SCAPER: variants seen among roughly 807,000 people sequenced by gnomAD.
The protein encoded by SCAPER is S phase cyclin A-associated protein in the endoplasmic reticulum.
In SCAPER, 98 loss-of-function variants were observed where a neutral mutation model predicts 182.2. The ratio of observed to expected loss-of-function variants is 0.54; its 90% CI spans 0.46 to 0.64. The LOEUF (loss-of-function observed/expected upper bound fraction) is 0.64, where lower values mean the gene tolerates loss of function less well. Ranked by LOEUF, SCAPER falls within the 30% of genes least tolerant of loss-of-function variation. The pLI, the probability that SCAPER is intolerant of heterozygous loss-of-function variation, is 0.00. For synonymous variants in SCAPER, 605 were observed against 564.6 expected (o/e 1.07, Z -1.01); for missense variants, 1,432 against 1,690.0 (o/e 0.85, Z 2.68).
intron 26 of SCAPER, among the ~76,000 whole-genome samples, chr15:76,420,715 C>T (rs1272023302): frequency 1.3e-5 from 2 of 152,110 alleles, no homozygotes; most frequent in Non-Finnish European, 2.9e-5. Flanking sequence ...TGGTGTGCTG[C>T]ACCCGTTAAC....
intron 2 of SCAPER, among the ~76,000 whole-genome samples, chr15:76,881,553 A>G (rs1210826768): frequency 6.6e-6 from 1 of 152,196 alleles, no homozygotes; most frequent in Non-Finnish European, 1.5e-5. Context: ...TTCAGTCTTA[A>G]AGAGGAGGGA....
rs117281528 is a variant in SCAPER, at chr15:76,591,006, G to A, written c.2712-16722C>T. Among the ~76,000 whole-genome samples, 207 of 152,160 alleles carry A rather than the reference G, an allele frequency of 1.4e-3. 5 individuals carry two copies. The East Asian group carries it at 0.035, about 25-fold the overall frequency. ...ATGTGTACACATGGACATAGAGTGT[G>A]GACTGATAAACAATGAAGACTCATA... On this transcript the variant is annotated intron_variant, in intron 22 of 31. Coordinates refer to ENST00000563290, the MANE Select transcript of SCAPER (RefSeq NM_020843.4).
At chr15:76,734,899 T>C (rs1200742622) in intron 15 of SCAPER, among the ~76,000 whole-genome samples, 1 of 151,952 alleles carries the variant, frequency 6.6e-6, no homozygotes. Context: ...TATATATATA[T>C]GATAAACAAG....
chr15:76,368,915 G>A (rs987002356), intron 29 of SCAPER, among the ~76,000 whole-genome samples: 7 of 152,092 alleles, frequency 4.6e-5, no homozygotes, highest in Non-Finnish European at 7.4e-5. Context: ...TACTAATTAT[G>A]TTCATTATAA....
intron 21 of SCAPER, among the ~76,000 whole-genome samples, chr15:76,649,412 C>T (rs1001222691): frequency 2.0e-5 from 3 of 151,550 alleles, no homozygotes; most frequent in Non-Finnish European, 2.9e-5. Context: ...CCTAGGCGAC[C>T]GAATGAGACA....
Position 76,461,575 on chromosome 15 carries a change from TTC to T in SCAPER, c.3078+9635_3078+9636del, listed in dbSNP as rs1045183938. ...GTATTGTATTTTCTAGTTTTTAAAT[TTC>T]TGTTTGATTCTTTATTATGTTTTTA... On this transcript the variant is annotated intron_variant, in intron 25 of 31. Transcript: ENST00000563290. 1.6e-4 allele frequency among the ~76,000 whole-genome samples: 25 copies of T among 152,204 alleles called. 1 individual carries two copies. The highest frequency in any genetic ancestry group is 4.6e-4 in the African/African-American group (19 of 41,554).
intron 23 of SCAPER, among the ~76,000 whole-genome samples, chr15:76,558,650 C>A (rs933155363): frequency 6.6e-6 from 1 of 152,134 alleles, no homozygotes; most frequent in Admixed American, 6.5e-5. Flanking sequence ...TACCATTTGA[C>A]GCAGAAATCC....
intron 24 of SCAPER, among the ~76,000 whole-genome samples, chr15:76,494,318 TACAA>T (rs2040283649): frequency 6.6e-6 from 1 of 152,222 alleles, no homozygotes; most frequent in Non-Finnish European, 1.5e-5. Flanking sequence ...GTCTCACACA[TACAA>T]ACAGCTACAT....
intron 23 of SCAPER, among the ~76,000 whole-genome samples, chr15:76,552,298 A>G (rs999084453): frequency 6.6e-6 from 1 of 152,086 alleles, no homozygotes; most frequent in Admixed American, 6.6e-5. Context: ...ACAAAACAAA[A>G]TAAGAGAGGA....
At chr15:76,492,874 T>A (rs1322514661) in intron 24 of SCAPER, among the ~76,000 whole-genome samples, 1 of 151,628 alleles carries the variant, frequency 6.6e-6, no homozygotes, top group African/African-American at 2.4e-5. Context: ...GAGTGTTTTT[T>A]TTTTTTTTTT....
At position 76,709,709 on chromosome 15, in the gene SCAPER, T is replaced by C. The variant is rs1485882634; in HGVS notation, c.2166-3725A>G. 2.0e-5 allele frequency among the ~76,000 whole-genome samples: 3 copies of C among 152,154 alleles called. No homozygotes were observed. The South Asian group carries it at 6.2e-4, about 31-fold the overall frequency. The stretch of plus-strand genomic sequence containing the variant: ...CAGGAAACATTCTGTAAGGCCAGAA[T>C]TGCCATAACACAAAAGCCAGACAAA... On this transcript the variant is annotated intron_variant, in intron 17 of 31. Coordinates refer to ENST00000563290, the MANE Select transcript of SCAPER (RefSeq NM_020843.4).
rs933804150 is a variant in SCAPER at position 76,726,130 on chromosome 15, T to C, written c.2165+2465A>G. Among the ~76,000 whole-genome samples, 14 of 115,180 alleles carry C rather than the reference T, an allele frequency of 1.2e-4. 1 individual carries two copies. Among genetic ancestry groups the C allele is most frequent in the African/African-American group, 3.7e-4 (11 of 29,836 alleles). 75.6% of individuals were successfully genotyped at this position (115,180 alleles called of 152,430 possible). A position where few individuals can be genotyped will look rare whatever the true frequency, so the allele number is the denominator to read the frequency against. ...ATAAAGGGTTAATGTCTAGAATATA[T>C]ATATATATATATATATATATATATA... On this transcript the variant is annotated intron_variant, in intron 17 of 31. Transcript: ENST00000563290.
At chr15:76,889,029 T>C (rs950055169) in intron 1 of SCAPER, among the ~76,000 whole-genome samples, 4 of 152,166 alleles carry the variant, frequency 2.6e-5, no homozygotes, top group African/African-American at 9.7e-5. Context: ...TATTCAACAT[T>C]CTTAAAGAAA....
intron 22 of SCAPER, among the ~76,000 whole-genome samples, chr15:76,620,407 C>G (rs542780923): frequency 6.6e-6 from 1 of 152,288 alleles, no homozygotes; most frequent in South Asian, 2.1e-4. Flanking sequence ...TCTACTAGTT[C>G]TGCACTCCAT....
intron 23 of SCAPER, among the ~76,000 whole-genome samples, chr15:76,569,256 T>C (rs1427130328): frequency 6.6e-6 from 1 of 152,182 alleles, no homozygotes; most frequent in African/African-American, 2.4e-5. Context: ...ATCTTTATCA[T>C]TAATTGATGC....
intron 15 of SCAPER, among the ~76,000 whole-genome samples, chr15:76,742,040 C>G (rs2061566634): frequency 6.6e-6 from 1 of 151,926 alleles, no homozygotes; most frequent in African/African-American, 2.4e-5. Flanking sequence ...GAAGGGAAGA[C>G]AGTAAAGGAT....
chr15:76,545,104 C>T (rs1014783855), intron 23 of SCAPER, among the ~76,000 whole-genome samples: 1 of 152,020 alleles, frequency 6.6e-6, no homozygotes, highest in Non-Finnish European at 1.5e-5. Context: ...TCAATGGGGG[C>T]CAATGAGATT....
At chr15:76,399,694 C>T (rs76871672) in intron 27 of SCAPER, among the ~76,000 whole-genome samples, 6,173 of 152,184 alleles carry the variant, frequency 0.041, 186 homozygotes, top group Non-Finnish European at 0.06. Context: ...ACATCCAAAT[C>T]GTGTTTCGGA....
At chr15:76,364,578 C>T (rs2041681406) in intron 29 of SCAPER, among the ~76,000 whole-genome samples, 1 of 152,138 alleles carries the variant, frequency 6.6e-6, no homozygotes, top group Non-Finnish European at 1.5e-5. Flanking sequence ...TGTCTGCTTC[C>T]TATGGGAAAA....
Sources: gnomAD v4.1 joint callset for allele counts (sites outside exome capture counted in the v4.1 genomes callset) on GRCh38, gnomAD v4.1.1 for gene constraint, MANE v1.5 for transcripts, NCBI Gene and HGNC (gene_info 2026-07-23, HGNC 2026-07-21) for gene names.